GRIK3: variants seen among roughly 807,000 people sequenced by gnomAD.
The protein encoded by GRIK3 is glutamate receptor ionotropic, kainate 3.
In GRIK3, 29 loss-of-function variants were observed where a neutral mutation model predicts 102.5. The observed-to-expected ratio is 0.28, with a 90% CI of 0.21 to 0.39. GRIK3 has a LOEUF of 0.39. Among genes scored for constraint, GRIK3 ranks in the 10% least tolerant of loss-of-function variants. The pLI, the probability that GRIK3 is intolerant of heterozygous loss-of-function variation, is 1.00. For synonymous variants in GRIK3, 511 were observed against 504.9 expected, an observed-to-expected ratio of 1.01 and a Z score of -0.16; for missense variants, 908 against 1,252.4, an observed-to-expected ratio of 0.73 and a Z score of 4.15.
intron 1 of GRIK3, among the ~76,000 whole-genome samples, chr1:36,925,378 A>G (rs1340139131): frequency 6.6e-6 from 1 of 152,248 alleles, no homozygotes; most frequent in Non-Finnish European, 1.5e-5. Context: ...GCCTAGATAC[A>G]ATGCCCCAGT....
chr1:36,985,934 C>G (rs900465530), intron 1 of GRIK3, among the ~76,000 whole-genome samples: 2 of 152,276 alleles, frequency 1.3e-5, no homozygotes, highest in African/African-American at 2.4e-5. Flanking sequence ...TTCCCTCCCC[C>G]TCCTCCTCAC....
intron 3 of GRIK3, among the ~76,000 whole-genome samples, chr1:36,873,125 C>G (rs897207469): frequency 6.6e-6 from 1 of 152,210 alleles, no homozygotes; most frequent in South Asian, 2.1e-4. Flanking sequence ...CCTCTGGCCC[C>G]ACCTCATTCC....
chr1:36,966,022 T>G (rs538567359), intron 1 of GRIK3, among the ~76,000 whole-genome samples: 4 of 152,312 alleles, frequency 2.6e-5, no homozygotes, highest in African/African-American at 9.6e-5. Context: ...AGCATGGTGC[T>G]GAGACGGCAC....
chr1:36,807,366 A>G (rs1454358821), intron 13 of GRIK3, among the ~76,000 whole-genome samples: 1 of 152,186 alleles, frequency 6.6e-6, no homozygotes, highest in Non-Finnish European at 1.5e-5. Context: ...TGCTCCCAGC[A>G]GGGATCAGCC....
At chr1:36,918,722 C>T (rs376362647) in intron 1 of GRIK3, among the ~76,000 whole-genome samples, 7 of 152,184 alleles carry the variant, frequency 4.6e-5, no homozygotes, top group South Asian at 2.1e-4. Flanking sequence ...ACCATTTCCA[C>T]GTCTGTCTCC....
rs1202830221 is a variant in GRIK3 at position 36,795,607 on chromosome 1, A to G, written c.*6244T>C. 1 of 152,244 alleles carries G rather than the reference A, an allele frequency of 6.6e-6. No individual in the cohort carries two copies. Among genetic ancestry groups the G allele is most frequent in the African/African-American group, 2.4e-5 (1 of 41,468 alleles). The allele number at this position is 152,244 out of a possible 1,614,324, so 9.4% of individuals were successfully genotyped here. The stretch of plus-strand genomic sequence containing the variant: ...CAAACTGTGCACTTTGATATATCAC[A>G]GTGTCTTAAAAAGGAAAATAATCAG... On this transcript the variant is annotated 3_prime_UTR_variant, in exon 16 of 16. Coordinates refer to ENST00000373091, the MANE Select transcript of GRIK3 (RefSeq NM_000831.4).
intron 1 of GRIK3, among the ~76,000 whole-genome samples, chr1:36,920,856 G>T (rs947141116): frequency 6.6e-6 from 1 of 152,184 alleles, no homozygotes; most frequent in Non-Finnish European, 1.5e-5. Flanking sequence ...TTTCTCTCTG[G>T]GACCAATTTG....
At position 36,799,031 on chromosome 1, in the gene GRIK3, G is replaced by T. The variant is rs946190337; in HGVS notation, c.*2820C>A. On this transcript the variant is annotated 3_prime_UTR_variant, in exon 16 of 16. Transcript: ENST00000373091. ...TGAGACAAGAGCAAGAATGAGGCAC[G>T]TGCTCTGAAACTATACTGGACAAAG... 2.0e-5 allele frequency: 3 copies of T among 152,256 alleles called. No individual in the cohort carries two copies. The highest frequency in any genetic ancestry group is 7.2e-5 in the African/African-American group (3 of 41,468). The allele number at this position is 152,256 out of a possible 1,614,324, so 9.4% of individuals were successfully genotyped here.
intron 1 of GRIK3, among the ~76,000 whole-genome samples, chr1:36,942,733 G>A (rs1403079877): frequency 5.9e-5 from 9 of 151,732 alleles, no homozygotes; most frequent in Non-Finnish European, 8.8e-5. Flanking sequence ...TGCCTTGCCT[G>A]TAGCTGGAGG....
Position 36,802,059 on chromosome 1 carries a change from G to C in GRIK3, c.2566-14C>G, listed in dbSNP as rs571887529. The C allele has an allele frequency of 3.1e-6, 5 of 1,592,648 alleles. 1 individual carries two copies. The East Asian group carries it at 1.1e-4, about 36-fold the overall frequency. On this transcript the variant is annotated splice_polypyrimidine_tract_variant and intron_variant, in intron 15 of 15. Coordinates refer to ENST00000373091, the MANE Select transcript of GRIK3 (RefSeq NM_000831.4). ...GCAGAAGGAACGCTGCAGGAGGGTG[G>C]AGGAGAGGGGTCGGAAAAGGGGCAC...
chr1:36,970,179 A>G (rs771113455), intron 1 of GRIK3, among the ~76,000 whole-genome samples: 1 of 152,200 alleles, frequency 6.6e-6, no homozygotes, highest in African/African-American at 2.4e-5. Context: ...TTATCAACCA[A>G]CTACACAGTT....
At chr1:37,007,491 C>T (rs1455142119) in intron 1 of GRIK3, among the ~76,000 whole-genome samples, 4 of 152,080 alleles carry the variant, frequency 2.6e-5, no homozygotes, top group African/African-American at 7.2e-5. Context: ...TGGGAAGGGC[C>T]CTCCAGAGAA....
intron 1 of GRIK3, among the ~76,000 whole-genome samples, chr1:36,995,978 C>G (rs1642415042): frequency 6.6e-6 from 1 of 152,188 alleles, no homozygotes. Context: ...TCAGGTGAGT[C>G]AAGAATTGAT....
chr1:36,970,644 C>T (rs1434003292), intron 1 of GRIK3, among the ~76,000 whole-genome samples: 1 of 152,186 alleles, frequency 6.6e-6, no homozygotes, highest in Non-Finnish European at 1.5e-5. Context: ...CCAGATCCAG[C>T]TTGTCTTGGA....
At chr1:36,921,370 A>G (rs978023422) in intron 1 of GRIK3, among the ~76,000 whole-genome samples, 7 of 152,292 alleles carry the variant, frequency 4.6e-5, no homozygotes, top group African/African-American at 1.2e-4. Flanking sequence ...TCCTTACTAC[A>G]GATCTGGGGG....
intron 1 of GRIK3, among the ~76,000 whole-genome samples, chr1:36,940,349 A>G (rs1641705775): frequency 6.6e-6 from 1 of 152,204 alleles, no homozygotes; most frequent in South Asian, 2.1e-4. Flanking sequence ...AGGATACTCT[A>G]TCTGCCTTTG....
chr1:36,961,894 C>T (rs541446156), intron 1 of GRIK3, among the ~76,000 whole-genome samples: 2 of 152,216 alleles, frequency 1.3e-5, no homozygotes, highest in African/African-American at 2.4e-5. Flanking sequence ...CCCTTGCTCT[C>T]GAGCTCACAG....
intron 1 of GRIK3, among the ~76,000 whole-genome samples, chr1:36,901,468 T>C (rs1192992814): frequency 6.6e-6 from 1 of 152,036 alleles, no homozygotes; most frequent in Non-Finnish European, 1.5e-5. Flanking sequence ...ATGCAGAAAA[T>C]GCATTTGACA....
At chr1:36,820,150 G>A (rs1642680730) in intron 11 of GRIK3, among the ~76,000 whole-genome samples, 3 of 152,154 alleles carry the variant, frequency 2.0e-5, no homozygotes, top group Admixed American at 1.3e-4. Context: ...AGCATCAAGA[G>A]AAGCACACAA....
Sources: gnomAD v4.1 joint callset for allele counts (sites outside exome capture counted in the v4.1 genomes callset) on GRCh38, gnomAD v4.1.1 for gene constraint, MANE v1.5 for transcripts, NCBI Gene and HGNC (gene_info 2026-07-23, HGNC 2026-07-21) for gene names.